The following COL23A1 variants were observed in gnomAD, a reference collection of about 807,000 sequenced individuals.
COL23A1 encodes the protein collagen alpha-1(XXIII) chain.
A neutral mutation model predicts 99.3 loss-of-function variants in COL23A1; 97 were observed. The ratio of observed to expected loss-of-function variants is 0.98; its 90% CI spans 0.83 to 1.16. COL23A1 has a LOEUF of 1.16. Among genes scored for constraint, COL23A1 ranks in the 50% most tolerant of loss-of-function variants. The pLI is 0.00. For synonymous variants in COL23A1, 320 were observed against 308.2 expected, an observed-to-expected ratio of 1.04 and a Z score of -0.40; for missense variants, 762 against 757.4, an observed-to-expected ratio of 1.01 and a Z score of -0.07.
At chr5:178,521,735 A>T (rs1759958230) in intron 2 of COL23A1, among the ~76,000 whole-genome samples, 1 of 152,222 alleles carries the variant, frequency 6.6e-6, no homozygotes, top group Admixed American at 6.5e-5. Flanking sequence ...CCTTATGCTA[A>T]GTGAAAGTCA....
At chr5:178,435,561 C>T (rs950196641) in intron 2 of COL23A1, among the ~76,000 whole-genome samples, 1 of 152,232 alleles carries the variant, frequency 6.6e-6, no homozygotes, top group African/African-American at 2.4e-5. Flanking sequence ...AGGCGAGTTA[C>T]TGAGCTCTCT....
intron 2 of COL23A1, among the ~76,000 whole-genome samples, chr5:178,554,792 C>A (rs967698146): frequency 5.9e-5 from 9 of 152,014 alleles, no homozygotes; most frequent in Non-Finnish European, 1.2e-4. Flanking sequence ...CAAGGAGAGG[C>A]ACCTGCCCCA....
rs553354986 is a variant in COL23A1 at position 178,541,859 on chromosome 5, G to C, written c.361+18823C>G. Among the ~76,000 whole-genome samples, 13 of 152,290 alleles carry C rather than the reference G, an allele frequency of 8.5e-5. 1 individual carries two copies. The South Asian group carries it at 2.7e-3, about 32-fold the overall frequency. ...TCCATACCACGTGCTTCTATATGAA[G>C]TTCAAATGCAGGCAGAACCAGTCTC... On this transcript the variant is annotated intron_variant, in intron 2 of 28. Coordinates refer to ENST00000390654, the MANE Select transcript of COL23A1 (RefSeq NM_173465.4).
At chr5:178,283,043 G>GTATTTT (rs1404583563) in intron 5 of COL23A1, among the ~76,000 whole-genome samples, 1 of 151,958 alleles carries the variant, frequency 6.6e-6, no homozygotes, top group Non-Finnish European at 1.5e-5. Flanking sequence ...GCTAGTTTTT[G>GTATTTT]TATTTTTATT....
chr5:178,249,716 A>ACACACACACACTCTCTCTCTCTCT, intron 18 of COL23A1, among the ~76,000 whole-genome samples: 28 of 92,798 alleles, frequency 3.0e-4, no homozygotes, highest in Non-Finnish European at 4.6e-4. Flanking sequence ...ACACACACAC[A>ACACACACACACTCTCTCTCTCTCT]CTCTCTCTCT....
At chr5:178,414,073 C>T (rs1020605424) in intron 2 of COL23A1, among the ~76,000 whole-genome samples, 3 of 152,306 alleles carry the variant, frequency 2.0e-5, no homozygotes, top group African/African-American at 7.2e-5. Flanking sequence ...CTGTGTGCTC[C>T]GGTCCTGCAG....
chr5:178,433,701 C>A (rs900250118), intron 2 of COL23A1, among the ~76,000 whole-genome samples: 14 of 152,176 alleles, frequency 9.2e-5, no homozygotes, highest in Non-Finnish European at 1.8e-4. Flanking sequence ...TGTGTCAGAA[C>A]CAGGGATAAA....
chr5:178,252,889 T>C (rs1581455093), intron 16 of COL23A1, among the ~76,000 whole-genome samples: 2 of 152,196 alleles, frequency 1.3e-5, no homozygotes, highest in East Asian at 3.9e-4. Context: ...GATGTTCCCC[T>C]GCTCAAGATC....
At chr5:178,583,727 G>A (rs2113736187) in intron 1 of COL23A1, among the ~76,000 whole-genome samples, 1 of 152,294 alleles carries the variant, frequency 6.6e-6, no homozygotes, top group Admixed American at 6.5e-5. Context: ...GGCACTTTAT[G>A]GGGAGAGTGA....
At chr5:178,517,406 C>T (rs1164563399) in intron 2 of COL23A1, among the ~76,000 whole-genome samples, 1 of 152,098 alleles carries the variant, frequency 6.6e-6, no homozygotes, top group African/African-American at 2.4e-5. Flanking sequence ...GGAGAGGGCC[C>T]ATGTCCCTGT....
At chr5:178,350,556 T>C (rs1009928841) in intron 2 of COL23A1, among the ~76,000 whole-genome samples, 1 of 152,188 alleles carries the variant, frequency 6.6e-6, no homozygotes, top group Non-Finnish European at 1.5e-5. Context: ...ACAGGTAGCG[T>C]GTGGCTGCCC....
intron 1 of COL23A1, among the ~76,000 whole-genome samples, chr5:178,563,404 T>A (rs1433318155): frequency 6.6e-6 from 1 of 151,956 alleles, no homozygotes; most frequent in African/African-American, 2.4e-5. Flanking sequence ...CAGGGCTGCC[T>A]GGAGTGGAGT....
chr5:178,246,157 A>C lies in COL23A1; in HGVS notation c.1413+97T>G, dbSNP rs1171153439. On this transcript the variant is annotated intron_variant, in intron 24 of 28. Transcript: ENST00000390654. ...CCTGAACTCTGGCCCTGCGAAGTGC[A>C]GGGACCCAGTGAGGTACAGGGTTGG... 4.9e-6 allele frequency: 4 copies of C among 809,206 alleles called. No homozygotes were observed. In the Admixed American group the frequency reaches 1.3e-4, roughly 26 times the overall value. The allele number at this position is 809,206 out of a possible 1,614,324, so 50.1% of individuals were successfully genotyped here.
At chr5:178,292,999 G>T (rs1439611963) in intron 3 of COL23A1, among the ~76,000 whole-genome samples, 1 of 152,112 alleles carries the variant, frequency 6.6e-6, no homozygotes, top group Admixed American at 6.6e-5. Context: ...GCAATGCAGA[G>T]GCATGTCCAG....
intron 2 of COL23A1, among the ~76,000 whole-genome samples, chr5:178,420,575 C>G: frequency 1.8e-5 from 1 of 55,874 alleles, no homozygotes; most frequent in Non-Finnish European, 3.8e-5. Context: ...CTCCTCCCCT[C>G]TCCCACTCTT....
intron 12 of COL23A1, among the ~76,000 whole-genome samples, chr5:178,258,692 G>A (rs968267078): frequency 2.0e-5 from 3 of 151,836 alleles, no homozygotes; most frequent in Non-Finnish European, 4.4e-5. Flanking sequence ...ACCGCTCTGG[G>A]TCTGGTTTTT....
At chr5:178,492,819 G>A (rs192512654) in intron 2 of COL23A1, among the ~76,000 whole-genome samples, 18 of 152,220 alleles carry the variant, frequency 1.2e-4, no homozygotes, top group Admixed American at 1.0e-3. Context: ...CAGGCTCTCT[G>A]TAGTAGAATG....
intron 2 of COL23A1, among the ~76,000 whole-genome samples, chr5:178,345,673 C>G (rs1426315224): frequency 6.6e-6 from 1 of 151,536 alleles, no homozygotes; most frequent in Non-Finnish European, 1.5e-5. Context: ...CCCGCCACCA[C>G]GCCCGGCTAA....
chr5:178,416,860 AG>A (rs1391850971), intron 2 of COL23A1, among the ~76,000 whole-genome samples: 1 of 143,342 alleles, frequency 7.0e-6, no homozygotes, highest in Non-Finnish European at 1.5e-5. Context: ...GGAGGAGCTG[AG>A]GGTGAGGGCA....
Sources: gnomAD v4.1 joint callset for allele counts (sites outside exome capture counted in the v4.1 genomes callset) on GRCh38, gnomAD v4.1.1 for gene constraint, MANE v1.5 for transcripts, NCBI Gene and HGNC (gene_info 2026-07-23, HGNC 2026-07-21) for gene names.